Variants in TCERG1L observed in about 807,000 individuals in gnomAD.
The protein encoded by TCERG1L is transcription elongation regulator 1-like protein.
A neutral mutation model predicts 56.3 loss-of-function variants in TCERG1L; 37 were observed. That is an observed-to-expected ratio of 0.66 (90% CI 0.51 to 0.87). The LOEUF is 0.87. Ranked by LOEUF, TCERG1L falls within the 40% of genes least tolerant of loss-of-function variation. TCERG1L has a pLI of 0.00. For synonymous variants in TCERG1L, 324 were observed against 326.3 expected, an observed-to-expected ratio of 0.99 and a Z score of 0.08; for missense variants, 799 against 774.2, an observed-to-expected ratio of 1.03 and a Z score of -0.38.
Position 131,281,084 on chromosome 10 carries a change from G to A in TCERG1L, c.671-20640C>T, listed in dbSNP as rs556156963. On this transcript the variant is annotated intron_variant, in intron 3 of 11. Coordinates refer to ENST00000368642, the MANE Select transcript of TCERG1L (RefSeq NM_174937.4). ...ATTCTTTTTCTCTTATCCAAAGCCTGCATCAATGTTTATATGCCTCTTTCT... is the reference window on the plus strand; with the variant it reads ...ATTCTTTTTCTCTTATCCAAAGCCTACATCAATGTTTATATGCCTCTTTCT... 1.9e-3 allele frequency among the ~76,000 whole-genome samples: 290 copies of A among 152,260 alleles called. 2 individuals carry two copies. The highest frequency in any genetic ancestry group is 0.014 in the South Asian group (70 of 4,828).
At chr10:131,100,658 A>C (rs1845295965) in intron 10 of TCERG1L, among the ~76,000 whole-genome samples, 1 of 152,170 alleles carries the variant, frequency 6.6e-6, no homozygotes. Flanking sequence ...GATTCTGTGT[A>C]GGATCACCCT....
At chr10:131,168,921 C>T (rs760609511) in intron 4 of TCERG1L, among the ~76,000 whole-genome samples, 3 of 152,234 alleles carry the variant, frequency 2.0e-5, no homozygotes, top group Non-Finnish European at 2.9e-5. Flanking sequence ...CTGACAGCTG[C>T]GTGCACAGGT....
At chr10:131,126,902 A>G (rs1845571206) in intron 8 of TCERG1L, among the ~76,000 whole-genome samples, 1 of 152,080 alleles carries the variant, frequency 6.6e-6, no homozygotes, top group Non-Finnish European at 1.5e-5. Flanking sequence ...GCCAGACAAG[A>G]GCTGAGGGAG....
chr10:131,205,774 T>A (rs1048441566), intron 4 of TCERG1L, among the ~76,000 whole-genome samples: 1 of 152,202 alleles, frequency 6.6e-6, no homozygotes, highest in African/African-American at 2.4e-5. Flanking sequence ...TCATCCTTCC[T>A]AAGAGGCTGC....
At chr10:131,100,021 G>A (rs746038228) in intron 10 of TCERG1L, among the ~76,000 whole-genome samples, 4 of 152,002 alleles carry the variant, frequency 2.6e-5, no homozygotes, top group African/African-American at 7.3e-5. Flanking sequence ...GTGCCGCCAC[G>A]CCCAGCTAAT....
chr10:131,266,989 A>G (rs1262665475), intron 3 of TCERG1L, among the ~76,000 whole-genome samples: 1 of 151,542 alleles, frequency 6.6e-6, no homozygotes, highest in Non-Finnish European at 1.5e-5. Context: ...ACAAGTCCCT[A>G]CTCCAGTCCA....
At chr10:131,182,383 C>A (rs1490762196) in intron 4 of TCERG1L, among the ~76,000 whole-genome samples, 1 of 152,216 alleles carries the variant, frequency 6.6e-6, no homozygotes, top group Non-Finnish European at 1.5e-5. Context: ...GGAGCTAGCA[C>A]CGGGAGGGCA....
chr10:131,182,805 T>G (rs920421986), intron 4 of TCERG1L, among the ~76,000 whole-genome samples: 1 of 152,268 alleles, frequency 6.6e-6, no homozygotes, highest in Admixed American at 6.5e-5. Context: ...GCAGTTCTCA[T>G]CTCAGTTGAT....
Position 131,143,210 on chromosome 10 carries a change from C to T in TCERG1L, c.1189+3296G>A, listed in dbSNP as rs181920187. Among the ~76,000 whole-genome samples the T allele has an allele frequency of 2.7e-3, 415 of 152,326 alleles. 1 individual carries two copies. The highest frequency in any genetic ancestry group is 5.1e-3 in the Non-Finnish European group (348 of 68,026). On this transcript the variant is annotated intron_variant, in intron 7 of 11. Coordinates refer to ENST00000368642, the MANE Select transcript of TCERG1L (RefSeq NM_174937.4). ...TGCTGATGGCACCTACTGCATGGGA[C>T]TGAGGAGGGAAGTCCACGGAACCAA...
chr10:131,241,228 G>A (rs569797416), intron 4 of TCERG1L, among the ~76,000 whole-genome samples: 2 of 152,322 alleles, frequency 1.3e-5, no homozygotes, highest in East Asian at 3.9e-4. Context: ...GGGAACACAG[G>A]AAAACTAGGA....
chr10:131,295,615 T>C (rs1291766501), intron 3 of TCERG1L, among the ~76,000 whole-genome samples: 2 of 152,354 alleles, frequency 1.3e-5, no homozygotes, highest in Admixed American at 6.5e-5. Context: ...AAAATAACAA[T>C]ACATATTCCT....
chr10:131,247,156 C>A (rs1041252159), intron 4 of TCERG1L, among the ~76,000 whole-genome samples: 1 of 152,208 alleles, frequency 6.6e-6, no homozygotes, highest in Admixed American at 6.5e-5. Flanking sequence ...CACATAGGCA[C>A]ACATCCACAC....
At chr10:131,207,247 G>T (rs1302813845) in intron 4 of TCERG1L, among the ~76,000 whole-genome samples, 1 of 151,632 alleles carries the variant, frequency 6.6e-6, no homozygotes, top group Non-Finnish European at 1.5e-5. Flanking sequence ...TCCAAAGGGA[G>T]GTTCTGTCCT....
chr10:131,281,297 C>G (rs1203311988), intron 3 of TCERG1L, among the ~76,000 whole-genome samples: 1 of 152,172 alleles, frequency 6.6e-6, no homozygotes, highest in African/African-American at 2.4e-5. Flanking sequence ...GCCCTGCACG[C>G]CCTGTGCTGC....
Position 131,128,349 on chromosome 10 carries a change from C to T in TCERG1L, c.1259+6030G>A, listed in dbSNP as rs767805286. Reference sequence around the variant, plus strand: ...ACAGTTCACAGGTGACTCCAAGCCACGAAACAGAACAGACATGAAAGCAAT... The same window carrying T: ...ACAGTTCACAGGTGACTCCAAGCCATGAAACAGAACAGACATGAAAGCAAT... On this transcript the variant is annotated intron_variant, in intron 8 of 11. Transcript: ENST00000368642. Among the ~76,000 whole-genome samples the T allele has an allele frequency of 3.9e-5, 6 of 152,232 alleles. No homozygotes were observed. The East Asian group carries it at 9.7e-4, about 25-fold the overall frequency.
chr10:131,167,265 G>A (rs1448590136), intron 4 of TCERG1L, among the ~76,000 whole-genome samples: 1 of 152,230 alleles, frequency 6.6e-6, no homozygotes, highest in East Asian at 1.9e-4. Context: ...AGACTTGGCT[G>A]TTGTCCATCT....
intron 3 of TCERG1L, among the ~76,000 whole-genome samples, chr10:131,279,353 T>A (rs959813901): frequency 6.6e-6 from 1 of 152,196 alleles, no homozygotes; most frequent in African/African-American, 2.4e-5. Flanking sequence ...CTCAGTGCCA[T>A]GCGTTGCCTG....
chr10:131,116,941 G>C lies in TCERG1L; in HGVS notation c.1260-7C>G. 1 of 1,606,214 alleles carries C rather than the reference G, an allele frequency of 6.2e-7. No individual in the cohort carries two copies. On this transcript the variant is annotated splice_region_variant and splice_polypyrimidine_tract_variant and intron_variant, in intron 8 of 11. Coordinates refer to ENST00000368642, the MANE Select transcript of TCERG1L (RefSeq NM_174937.4). ...ACTCCCGCAGCCTTCGGTCCTTCAG[G>C]AACACAAGACGCAGAGTTAGACACA...
At chr10:131,138,350 G>T (rs1845697657) in intron 7 of TCERG1L, among the ~76,000 whole-genome samples, 1 of 152,136 alleles carries the variant, frequency 6.6e-6, no homozygotes, top group African/African-American at 2.4e-5. Context: ...CAAAGACAAG[G>T]GAACAGAATC....
Sources: gnomAD v4.1 joint callset for allele counts (sites outside exome capture counted in the v4.1 genomes callset) on GRCh38, gnomAD v4.1.1 for gene constraint, MANE v1.5 for transcripts, NCBI Gene and HGNC (gene_info 2026-07-23, HGNC 2026-07-21) for gene names.